The following PIGK variants were observed in gnomAD, a reference collection of about 807,000 sequenced individuals.
PIGK encodes GPI-anchor transamidase.
PIGK carries 42 observed loss-of-function variants against 50.6 expected under a neutral mutation model. The ratio of observed to expected loss-of-function variants is 0.83; its 90% confidence interval spans 0.65 to 1.07. The LOEUF (loss-of-function observed/expected upper bound fraction) is 1.07, where lower values mean the gene tolerates loss of function less well. PIGK is among the 50% of genes least tolerant of loss of function. PIGK has a pLI of 0.00. For synonymous variants in PIGK, 151 were observed against 156.0 expected (o/e 0.97, Z 0.24); for missense variants, 448 against 488.7 (o/e 0.92, Z 0.78).
intron 3 of PIGK, among the ~76,000 whole-genome samples, chr1:77,189,374 C>T (rs1174309065): frequency 6.6e-6 from 1 of 152,038 alleles, no homozygotes; most frequent in Non-Finnish European, 1.5e-5. Context: ...AGTATTGGTC[C>T]TGGGTGTGTC....
chr1:77,104,962 C>T (rs988186995), intron 10 of PIGK, among the ~76,000 whole-genome samples: 3 of 152,172 alleles, frequency 2.0e-5, no homozygotes, highest in Admixed American at 6.5e-5. Context: ...AGCAACGGGG[C>T]GACTTCCCTC....
chr1:77,100,163 C>T lies in PIGK; in HGVS notation c.1072-7673G>A, dbSNP rs536286965. 9.2e-5 allele frequency among the ~76,000 whole-genome samples: 14 copies of T among 152,178 alleles called. 1 individual carries two copies. Among genetic ancestry groups the T allele is most frequent in the Admixed American group, 7.2e-4 (11 of 15,288 alleles). On this transcript the variant is annotated intron_variant, in intron 10 of 10. Coordinates refer to ENST00000370812, the MANE Select transcript of PIGK (RefSeq NM_005482.3). ...AAAACTTAGGATTTTGAAAACTGTA[C>T]ACATTTATTGGGAAGCAAATGGAAA...
chr1:77,137,395 G>C (rs1007532503), intron 9 of PIGK, among the ~76,000 whole-genome samples: 24 of 152,098 alleles, frequency 1.6e-4, no homozygotes, highest in African/African-American at 5.6e-4. Context: ...TTTTGGAATG[G>C]TTTGTGATGC....
At chr1:77,132,875 GGTTCT>G (rs1301990759) in intron 9 of PIGK, among the ~76,000 whole-genome samples, 1 of 151,934 alleles carries the variant, frequency 6.6e-6, no homozygotes, top group Non-Finnish European at 1.5e-5. Flanking sequence ...ATTGTTTTAT[GGTTCT>G]GATTGTAATA....
At chr1:77,202,461 G>C (rs1429749246) in intron 3 of PIGK, among the ~76,000 whole-genome samples, 1 of 152,158 alleles carries the variant, frequency 6.6e-6, no homozygotes, top group African/African-American at 2.4e-5. Flanking sequence ...TGAGCGACCA[G>C]TGCAAGGTAA....
intron 3 of PIGK, among the ~76,000 whole-genome samples, chr1:77,194,477 C>T (rs59013925): frequency 0.049 from 7,508 of 152,066 alleles, 270 homozygotes; most frequent in South Asian, 0.21. Context: ...CACAATTTTG[C>T]CCTTTGCAGC....
chr1:77,139,916 C>T (rs777569058), intron 9 of PIGK, among the ~76,000 whole-genome samples: 2 of 151,908 alleles, frequency 1.3e-5, no homozygotes, highest in South Asian at 2.1e-4. Flanking sequence ...TTTTTTGTTC[C>T]GAGAAAGTGA....
At chr1:77,099,040 T>G (rs758343147) in intron 10 of PIGK, among the ~76,000 whole-genome samples, 13 of 152,090 alleles carry the variant, frequency 8.5e-5, no homozygotes, top group Non-Finnish European at 1.3e-4. Flanking sequence ...AGGATCTATA[T>G]TAAGGAATTC....
At chr1:77,179,234 A>G (rs541197006) in intron 3 of PIGK, among the ~76,000 whole-genome samples, 6 of 152,312 alleles carry the variant, frequency 3.9e-5, no homozygotes, top group Non-Finnish European at 7.4e-5. Context: ...TCAAGACCAA[A>G]TAAGTACATT....
chr1:77,219,373 A>G lies in PIGK; in HGVS notation c.30T>C (p.Ala10=), dbSNP rs559718599. 12 of 1,613,796 alleles carry G rather than the reference A, an allele frequency of 7.4e-6. No individual in the cohort carries two copies. The Admixed American group carries it at 2.0e-4, about 27-fold the overall frequency. Reference sequence around the variant, plus strand: ...GCAACACAGTTGCCAAGACAGTCGCAGCCCGGCTGAGGCTGTCGGTGACGG... The same window carrying G: ...GCAACACAGTTGCCAAGACAGTCGCGGCCCGGCTGAGGCTGTCGGTGACGG... MAVTDSLSR[A]ATVLATVLLL... is the part of the protein sequence containing the mutation. The change falls in exon 1 of 11, where the codon GCT becomes GCC. Residue 10 remains alanine, a synonymous_variant. Transcript: ENST00000370812.
intron 3 of PIGK, among the ~76,000 whole-genome samples, chr1:77,172,280 C>A (rs1490767727): frequency 6.6e-6 from 1 of 152,158 alleles, no homozygotes; most frequent in East Asian, 1.9e-4. Flanking sequence ...CATACTTCAA[C>A]CACCCATATA....
chr1:77,165,139 C>G (rs1200318880), intron 5 of PIGK, among the ~76,000 whole-genome samples: 1 of 152,086 alleles, frequency 6.6e-6, no homozygotes, highest in Non-Finnish European at 1.5e-5. Context: ...TTATCAAATC[C>G]TATCTTCAAC....
In PIGK at chr1:77,166,248, C is replaced by T. The variant is rs939837014; in HGVS notation, c.487+471G>A. Among the ~76,000 whole-genome samples, 22 of 152,172 alleles carry T rather than the reference C, an allele frequency of 1.4e-4. No homozygotes were observed. In the East Asian group the frequency reaches 1.7e-3, roughly 12 times the overall value. On this transcript the variant is annotated intron_variant, in intron 5 of 10. Coordinates refer to ENST00000370812, the MANE Select transcript of PIGK (RefSeq NM_005482.3). ...ATCTCATATCTGAGGAGTATATCCA[C>T]AATGCAATTTCATGAATCCCAACCC...
chr1:77,210,307 A>G (rs528369061), intron 2 of PIGK, 129 bp downstream of exon 2: 60 of 526,410 alleles, frequency 1.1e-4, no homozygotes, highest in Non-Finnish European at 1.4e-4. Flanking sequence ...AATATAGCCA[A>G]ATCAAAATAA....
At chr1:77,118,609 C>T (rs1477711157) in intron 10 of PIGK, among the ~76,000 whole-genome samples, 1 of 152,196 alleles carries the variant, frequency 6.6e-6, no homozygotes, top group Non-Finnish European at 1.5e-5. Flanking sequence ...TGCCATTTCG[C>T]ATTTTTTGCA....
chr1:77,201,874 T>C (rs763919976), intron 3 of PIGK, among the ~76,000 whole-genome samples: 12 of 152,156 alleles, frequency 7.9e-5, no homozygotes, highest in East Asian at 1.9e-4. Flanking sequence ...CTGGGCACCA[T>C]TGTGAGACAT....
At chr1:77,150,968 G>A (rs938054722) in intron 9 of PIGK, among the ~76,000 whole-genome samples, 2 of 152,024 alleles carry the variant, frequency 1.3e-5, no homozygotes, top group Admixed American at 1.3e-4. Context: ...AACTGAAGGA[G>A]GGAATACTTC....
intron 10 of PIGK, among the ~76,000 whole-genome samples, chr1:77,115,554 A>G (rs1412867443): frequency 6.6e-6 from 1 of 152,178 alleles, no homozygotes; most frequent in Non-Finnish European, 1.5e-5. Flanking sequence ...ACAATGAAAG[A>G]ACTGTCCCAT....
intron 10 of PIGK, among the ~76,000 whole-genome samples, chr1:77,102,168 T>A (rs1653562054): frequency 6.6e-6 from 1 of 152,190 alleles, no homozygotes; most frequent in Non-Finnish European, 1.5e-5. Flanking sequence ...TTCAATGTAT[T>A]ACTTCATTGT....
Sources: gnomAD v4.1 joint callset for allele counts (sites outside exome capture counted in the v4.1 genomes callset) on GRCh38, gnomAD v4.1.1 for gene constraint, MANE v1.5 for transcripts, NCBI Gene and HGNC (gene_info 2026-07-23, HGNC 2026-07-21) for gene names.